The following DMD variants were observed in gnomAD, a reference collection of about 807,000 sequenced individuals.
DMD encodes the protein mutant dystrophin.
DMD carries 63 observed loss-of-function variants against 330.1 expected under a neutral mutation model. The observed-to-expected ratio is 0.19, with a 90% CI of 0.16 to 0.24. DMD has a LOEUF of 0.24. Ranked by LOEUF, DMD falls within the 10% of genes least tolerant of loss-of-function variation. The pLI is 1.00. For synonymous variants in DMD, 1,223 were observed against 959.8 expected (o/e 1.27, Z -5.07); for missense variants, 3,344 against 2,684.1 (o/e 1.25, Z -5.43).
intron 55 of DMD, among the ~76,000 whole-genome samples, chrX:31,600,856 C>G (rs748144655): frequency 1.2e-4 from 13 of 107,123 alleles, no homozygotes; most frequent in Non-Finnish European, 2.3e-4. Context: ...TCCCCAACAA[C>G]GGCTTCAGGT....
chrX:32,889,932 AG>A (rs1176101682), intron 2 of DMD, among the ~76,000 whole-genome samples: 1 of 111,038 alleles, frequency 9.0e-6, no homozygotes, highest in Non-Finnish European at 1.9e-5. Context: ...CCCCAGAGAA[AG>A]GGGGGGCATC....
chrX:32,891,988 G>T (rs1296697621), intron 2 of DMD, among the ~76,000 whole-genome samples: 1 of 111,513 alleles, frequency 9.0e-6, no homozygotes. Flanking sequence ...ACACAGAAAT[G>T]AAGGCCACAG....
intron 60 of DMD, among the ~76,000 whole-genome samples, chrX:31,429,569 A>G (rs994090580): frequency 8.0e-5 from 9 of 111,914 alleles, no homozygotes; most frequent in African/African-American, 2.9e-4. Context: ...TACAGGGCAG[A>G]TCACTTTCCC....
At chrX:32,582,681 G>C (rs747347593) in intron 13 of DMD, among the ~76,000 whole-genome samples, 4 of 111,367 alleles carry the variant, frequency 3.6e-5, no homozygotes, top group Admixed American at 1.9e-4. Flanking sequence ...TCTTTAAAAA[G>C]GAAGAAAATA....
At chrX:33,046,932 G>A (rs778005393) in intron 1 of DMD, among the ~76,000 whole-genome samples, 1 of 112,098 alleles carries the variant, frequency 8.9e-6, no homozygotes, top group Non-Finnish European at 1.9e-5. Context: ...ATGAGGAAAT[G>A]GAGAGAGAAT....
intron 44 of DMD, among the ~76,000 whole-genome samples, chrX:32,184,469 A>T (rs2096938389): frequency 9.0e-6 from 1 of 111,379 alleles, no homozygotes; most frequent in Admixed American, 9.7e-5. Context: ...CAAATAGGTG[A>T]GTAGAAAGAA....
chrX:31,793,375 C>T lies in DMD; in HGVS notation c.7310-19183G>A, dbSNP rs185608795. On this transcript the variant is annotated intron_variant, in intron 50 of 78. Transcript: ENST00000357033. ...TCTCTGCCTCCTGCCGCTATCAGTACGAGAGTTGTGTAAATGCCTATATTG... is the reference window on the plus strand; with the variant it reads ...TCTCTGCCTCCTGCCGCTATCAGTATGAGAGTTGTGTAAATGCCTATATTG... Among the ~76,000 whole-genome samples the T allele has an allele frequency of 2.4e-3, 263 of 111,313 alleles. 2 individuals carry two copies. Among genetic ancestry groups the T allele is most frequent in the African/African-American group, 7.4e-3 (227 of 30,580 alleles).
intron 76 of DMD, among the ~76,000 whole-genome samples, chrX:31,134,426 T>C (rs2034933269): frequency 9.9e-6 from 1 of 101,353 alleles, no homozygotes; most frequent in Non-Finnish European, 2.0e-5. Flanking sequence ...TATATCTTTT[T>C]TTTTTTTTTT....
chrX:33,072,594 G>A (rs2094776350), intron 1 of DMD, among the ~76,000 whole-genome samples: 1 of 111,543 alleles, frequency 9.0e-6, no homozygotes, highest in East Asian at 2.8e-4. Flanking sequence ...ACCTGTAAAT[G>A]CACCATTGAT....
At chrX:32,011,564 G>A (rs1014968508) in intron 44 of DMD, among the ~76,000 whole-genome samples, 20 of 111,803 alleles carry the variant, frequency 1.8e-4, no homozygotes, top group Non-Finnish European at 2.8e-4. Context: ...CTCTGCTCTG[G>A]AAGGTATTTT....
intron 60 of DMD, among the ~76,000 whole-genome samples, chrX:31,375,115 GT>G (rs1225265819): frequency 8.9e-6 from 1 of 111,979 alleles, no homozygotes; most frequent in Non-Finnish European, 1.9e-5. Flanking sequence ...GCTTGTGGGA[GT>G]TTTTTATATC....
At chrX:33,204,233 T>C (rs141501494) in intron 1 of DMD, among the ~76,000 whole-genome samples, 1,723 of 111,549 alleles carry the variant, frequency 0.015, 32 homozygotes, top group African/African-American at 0.054. Flanking sequence ...AAGAGAAAAA[T>C]AATTTCTATA....
At chrX:31,807,355 G>A (rs1241351030) in intron 50 of DMD, among the ~76,000 whole-genome samples, 5 of 111,405 alleles carry the variant, frequency 4.5e-5, no homozygotes, top group Non-Finnish European at 9.4e-5. Flanking sequence ...CAGGGTGCTG[G>A]ACTATGGTAC....
At chrX:31,804,284 C>T (rs980398746) in intron 50 of DMD, among the ~76,000 whole-genome samples, 2 of 111,744 alleles carry the variant, frequency 1.8e-5, no homozygotes, top group Non-Finnish European at 3.8e-5. Context: ...GTGTTCTATT[C>T]GCGTTCTCTG....
At chrX:32,717,668 T>G (rs1291406439) in intron 7 of DMD, among the ~76,000 whole-genome samples, 2 of 110,900 alleles carry the variant, frequency 1.8e-5, no homozygotes, top group Non-Finnish European at 3.8e-5. Flanking sequence ...CTCCAGAGCC[T>G]AGAATGGTCT....
chrX:32,217,266 A>T (rs1367704109), intron 43 of DMD, among the ~76,000 whole-genome samples: 6 of 111,644 alleles, frequency 5.4e-5, no homozygotes, highest in Admixed American at 9.6e-5. Context: ...AAAATACTCA[A>T]TATAAAAGCT....
At chrX:31,168,272 G>T (rs1011890355) in intron 74 of DMD, among the ~76,000 whole-genome samples, 3 of 111,655 alleles carry the variant, frequency 2.7e-5, no homozygotes, top group African/African-American at 9.8e-5. Flanking sequence ...TTGTGGAAGG[G>T]TTTGAACGCC....
intron 74 of DMD, among the ~76,000 whole-genome samples, chrX:31,151,872 A>C (rs2037455824): frequency 8.9e-6 from 1 of 111,918 alleles, no homozygotes; most frequent in Non-Finnish European, 1.9e-5. Flanking sequence ...ACAAACCTCT[A>C]AATTCTAGTA....
intron 60 of DMD, among the ~76,000 whole-genome samples, chrX:31,366,499 T>TAAAAAAAAAAAAA (rs1198673918): frequency 2.7e-5 from 1 of 36,500 alleles, no homozygotes; most frequent in African/African-American, 1.1e-4. Flanking sequence ...AAAAAAAACA[T>TAAAAAAAAAAAAA]AAAAAAAAAA....
Sources: gnomAD v4.1 joint callset for allele counts (sites outside exome capture counted in the v4.1 genomes callset) on GRCh38, gnomAD v4.1.1 for gene constraint, MANE v1.5 for transcripts, NCBI Gene and HGNC (gene_info 2026-07-23, HGNC 2026-07-21) for gene names.